Variants in RNF150 observed in about 807,000 individuals in gnomAD.
The protein encoded by RNF150 is ring finger protein 150.
Under a neutral mutation model 39.3 loss-of-function variants are expected in RNF150, and 24 were observed. That is an observed-to-expected ratio of 0.61 (90% CI 0.44 to 0.86). The LOEUF (loss-of-function observed/expected upper bound fraction) is 0.86. Ranked by LOEUF, RNF150 falls within the 40% of genes least tolerant of loss-of-function variation. The pLI, the probability that RNF150 is intolerant of heterozygous loss-of-function variation, is 0.00. For missense variants in RNF150, 502 were observed against 587.8 expected (o/e 0.85, Z 1.51); for synonymous variants, 255 against 227.3 (o/e 1.12, Z -1.10).
intron 5 of RNF150, among the ~76,000 whole-genome samples, chr4:140,923,582 A>T (rs979381035): frequency 1.3e-5 from 2 of 152,164 alleles, no homozygotes; most frequent in African/African-American, 4.8e-5. Context: ...AGGGATCTAG[A>T]ACTAGAAATA....
At chr4:140,878,472 C>T (rs1729253796) in intron 6 of RNF150, among the ~76,000 whole-genome samples, 1 of 152,090 alleles carries the variant, frequency 6.6e-6, no homozygotes, top group Non-Finnish European at 1.5e-5. Context: ...TGTGCCTGGC[C>T]TCATTGTGGT....
intron 1 of RNF150, among the ~76,000 whole-genome samples, chr4:141,127,567 C>A (rs1230339057): frequency 6.6e-6 from 1 of 152,154 alleles, no homozygotes; most frequent in African/African-American, 2.4e-5. Context: ...GAGCACCCAC[C>A]TATGGAGGAA....
chr4:141,030,422 G>A (rs941653501), intron 1 of RNF150, among the ~76,000 whole-genome samples: 2 of 152,082 alleles, frequency 1.3e-5, no homozygotes, highest in Non-Finnish European at 2.9e-5. Flanking sequence ...ATTATCATAT[G>A]CTCCAGGAAT....
intron 5 of RNF150, among the ~76,000 whole-genome samples, chr4:140,917,355 C>A (rs887229392): frequency 2.0e-5 from 3 of 151,836 alleles, no homozygotes; most frequent in African/African-American, 7.3e-5. Context: ...ATCTACCAAG[C>A]AAATGGAAAA....
chr4:141,190,591 CCTTG>C (rs1728093442), intron 1 of RNF150, among the ~76,000 whole-genome samples: 1 of 152,158 alleles, frequency 6.6e-6, no homozygotes, highest in Admixed American at 6.5e-5. Context: ...ATTAGAAACG[CCTTG>C]CTTGCAGGCC....
intron 1 of RNF150, among the ~76,000 whole-genome samples, chr4:141,062,107 C>A (rs985553803): frequency 3.3e-5 from 5 of 152,094 alleles, no homozygotes; most frequent in African/African-American, 1.2e-4. Context: ...TTTCATACTA[C>A]AGCAGAGAAA....
chr4:140,884,864 C>T (rs1365248967), intron 6 of RNF150, among the ~76,000 whole-genome samples: 3 of 152,100 alleles, frequency 2.0e-5, no homozygotes, highest in African/African-American at 7.2e-5. Flanking sequence ...GAGTTTTCTC[C>T]AATGGCACCA....
At chr4:141,113,664 C>G (rs541498783) in intron 1 of RNF150, among the ~76,000 whole-genome samples, 1 of 152,214 alleles carries the variant, frequency 6.6e-6, no homozygotes, top group East Asian at 1.9e-4. Flanking sequence ...CTGGACCAAG[C>G]AGACCTAACA....
At chr4:140,920,907 A>C (rs1731095720) in intron 5 of RNF150, among the ~76,000 whole-genome samples, 1 of 151,830 alleles carries the variant, frequency 6.6e-6, no homozygotes, top group African/African-American at 2.4e-5. Flanking sequence ...TGAAATTGGA[A>C]ATCATCATTC....
At chr4:140,968,292 T>C (rs887712357) in intron 1 of RNF150, among the ~76,000 whole-genome samples, 2 of 151,876 alleles carry the variant, frequency 1.3e-5, no homozygotes, top group Admixed American at 1.3e-4. Flanking sequence ...AAGGGTAAAA[T>C]GTCCTGTCTT....
intron 4 of RNF150, among the ~76,000 whole-genome samples, chr4:140,932,730 A>T (rs1415579344): frequency 6.6e-6 from 1 of 152,208 alleles, no homozygotes; most frequent in Non-Finnish European, 1.5e-5. Context: ...CCATCTCTCC[A>T]GCACATGGGG....
chr4:140,933,875 C>T (rs1328024058), intron 4 of RNF150, among the ~76,000 whole-genome samples: 1 of 152,184 alleles, frequency 6.6e-6, no homozygotes, highest in Non-Finnish European at 1.5e-5. Flanking sequence ...AGTAAGTAGA[C>T]ACCAGTCTCA....
chr4:141,036,276 G>A (rs1180033181), intron 1 of RNF150, among the ~76,000 whole-genome samples: 1 of 152,174 alleles, frequency 6.6e-6, no homozygotes, highest in Non-Finnish European at 1.5e-5. Flanking sequence ...AGGTACTTAA[G>A]ATTTGTTGAA....
In RNF150 at chr4:141,100,623, A is replaced by G. The variant is rs147270182; in HGVS notation, c.484+31702T>C. ...TGTCTAACTTGGGATGGATCTGACT[A>G]AGGGTACTATACAAAGAGGCATGCT... On this transcript the variant is annotated intron_variant, in intron 1 of 6. Transcript: ENST00000515673. Among the ~76,000 whole-genome samples the G allele has an allele frequency of 1.3e-3, 203 of 152,290 alleles. 1 individual carries two copies. The highest frequency in any genetic ancestry group is 4.4e-3 in the African/African-American group (184 of 41,562).
chr4:140,930,271 T>C (rs972282883), intron 4 of RNF150, among the ~76,000 whole-genome samples: 5 of 152,250 alleles, frequency 3.3e-5, no homozygotes, highest in Non-Finnish European at 7.3e-5. Flanking sequence ...CTTATAGGCC[T>C]GTCCTGAAGA....
intron 1 of RNF150, among the ~76,000 whole-genome samples, chr4:140,989,548 T>C (rs559955651): frequency 1.1e-3 from 170 of 152,244 alleles, no homozygotes; most frequent in African/African-American, 4.0e-3. Flanking sequence ...TTTAGAAAGA[T>C]AGAAATAACT....
chr4:140,954,323 T>C (rs1456790126), intron 2 of RNF150, among the ~76,000 whole-genome samples: 1 of 152,194 alleles, frequency 6.6e-6, no homozygotes. Context: ...CAACTGATTC[T>C]CATACCTCAG....
intron 1 of RNF150, among the ~76,000 whole-genome samples, chr4:141,155,350 G>A (rs905941184): frequency 3.4e-5 from 5 of 148,664 alleles, no homozygotes; most frequent in East Asian, 2.0e-4. Flanking sequence ...CACCCGCCTC[G>A]GCCTCCCAAA....
chr4:141,132,841 C>G lies in RNF150; in HGVS notation c.-33G>C. ...CGCCGGGGCCCCCTCCCCGCCCCCG[C>G]GCCCTCCCTCCGTCCCGTCCCTCCT... is the stretch of plus-strand genomic sequence containing the variant. On this transcript the variant is annotated 5_prime_UTR_variant, in exon 1 of 7. Transcript: ENST00000515673. This position sits in a 1 kb window ranked among gnomAD's most constrained non-coding sequence, Gnocchi z 4.9. 6.3e-7 allele frequency: 1 copy of G among 1,578,268 alleles called. No individual in the cohort carries two copies. The highest frequency in any genetic ancestry group is 8.7e-7 in the Non-Finnish European group (1 of 1,154,030).
Sources: gnomAD v4.1 joint callset for allele counts (sites outside exome capture counted in the v4.1 genomes callset) on GRCh38, gnomAD v4.1.1 for gene constraint, Gnocchi (gnomAD v3.1) non-coding constraint, MANE v1.5 for transcripts, NCBI Gene and HGNC (gene_info 2026-07-23, HGNC 2026-07-21) for gene names.